Variants in ART3 observed in about 807,000 individuals in gnomAD.
ART3 encodes ecto-ADP-ribosyltransferase 3.
Under a neutral mutation model 48.5 loss-of-function variants are expected in ART3, and 49 were observed. The ratio of observed to expected loss-of-function variants is 1.01; its 90% CI spans 0.80 to 1.28. The LOEUF is 1.28. Ranked by LOEUF, ART3 falls within the 50% of genes most tolerant of loss-of-function variation. ART3 has a pLI of 0.00. For missense variants in ART3, 438 were observed against 454.3 expected, an observed-to-expected ratio of 0.96 and a Z score of 0.33; for synonymous variants, 145 against 157.2, an observed-to-expected ratio of 0.92 and a Z score of 0.58.
In ART3 at chr4:76,082,443, T is replaced by A; in HGVS notation, c.689T>A (p.Val230Asp). 1.2e-6 allele frequency: 2 copies of A among 1,613,316 alleles called. No individual in the cohort carries two copies. Among genetic ancestry groups the A allele is most frequent in the Middle Eastern group, 1.6e-4 (1 of 6,062 alleles). Reference sequence around the variant, plus strand: ...ATTACTTTAATACCTCTGAATGAGGTTTTTCAAGTGTCACAGGAGGGGGCT... The same window carrying A: ...ATTACTTTAATACCTCTGAATGAGGATTTTCAAGTGTCACAGGAGGGGGCT... ...ERITLIPLNE[V>D]FQVSQEGAGN... Residue 230 changes from valine to aspartate, a missense_variant, in exon 3 of 12, where the codon GTT (valine) becomes GAT (aspartate). Val to Asp is a radical substitution (Grantham distance 152). Coordinates refer to ENST00000355810, the MANE Select transcript of ART3 (RefSeq NM_001130016.3).
upstream of ART3, among the ~76,000 whole-genome samples, chr4:76,074,283 A>G (rs1212555500): frequency 1.3e-5 from 2 of 152,060 alleles, no homozygotes; most frequent in Non-Finnish European, 2.9e-5. Flanking sequence ...ACTTTGTTTT[A>G]CTTGCTTATG....
At chr4:76,059,349 G>A (rs1011824097) in intron 1 of ART3, among the ~76,000 whole-genome samples, 2 of 136,412 alleles carry the variant, frequency 1.5e-5, no homozygotes, top group South Asian at 2.3e-4. Flanking sequence ...CTGTCTTCTC[G>A]TTATTTTCTC....
At chr4:76,038,267 A>T (rs140646101) in intron 1 of ART3, among the ~76,000 whole-genome samples, 1 of 152,226 alleles carries the variant, frequency 6.6e-6, no homozygotes, top group African/African-American at 2.4e-5. Context: ...TAATTATTCT[A>T]TATATTAATG....
At chr4:76,103,822 C>A in intron 8 of ART3, 115 bp from the exon 9 acceptor site, 1 of 929,228 alleles carries the variant, frequency 1.1e-6, no homozygotes. Flanking sequence ...TTTTTCTTTC[C>A]CCCTGCCTTT....
At chr4:76,016,848 C>T (rs1014725373) in intron 1 of ART3, among the ~76,000 whole-genome samples, 3 of 152,194 alleles carry the variant, frequency 2.0e-5, no homozygotes, top group Non-Finnish European at 4.4e-5. Flanking sequence ...TTTACTCATG[C>T]CCATCACCAC....
intron 1 of ART3, chr4:76,058,190 G>A (rs1718867783): frequency 6.6e-6 from 1 of 152,102 alleles, no homozygotes; most frequent in Admixed American, 6.5e-5. Context: ...TGAGTACTTT[G>A]GTTAGTATGA....
intron 1 of ART3, among the ~76,000 whole-genome samples, chr4:76,065,789 C>T (rs1719678046): frequency 6.6e-6 from 1 of 151,398 alleles, no homozygotes; most frequent in South Asian, 2.1e-4. Flanking sequence ...TATAATAAAG[C>T]AATCTAATCA....
intron 3 of ART3, among the ~76,000 whole-genome samples, chr4:76,084,162 A>G (rs931525509): frequency 9.9e-5 from 15 of 152,134 alleles, no homozygotes; most frequent in Admixed American, 5.2e-4. Context: ...ATACTGCTCT[A>G]TGATAAGCTC....
At chr4:76,067,097 C>G (rs1719816932) in intron 1 of ART3, among the ~76,000 whole-genome samples, 1 of 152,240 alleles carries the variant, frequency 6.6e-6, no homozygotes, top group Non-Finnish European at 1.5e-5. Context: ...ACTGGAGTGG[C>G]TGCCACCATC....
intron 1 of ART3, among the ~76,000 whole-genome samples, chr4:76,030,194 T>G (rs1733749524): frequency 6.6e-6 from 1 of 152,138 alleles, no homozygotes; most frequent in Non-Finnish European, 1.5e-5. Flanking sequence ...GTAGCTGGGA[T>G]TACAGGCATG....
rs201724907 is a variant in ART3 at position 76,030,908 on chromosome 4, TG to T, written c.-10+19589del. Among the ~76,000 whole-genome samples, 1,162 of 152,330 alleles carry T rather than the reference TG, an allele frequency of 7.6e-3. 9 individuals are homozygous for T. The highest frequency in any genetic ancestry group is 0.012 in the Non-Finnish European group (836 of 68,026). On this transcript the variant is annotated intron_variant, in intron 1 of 9. Coordinates refer to the ART3 transcript ENST00000341029. ...ATTTGGGTTGTTTCTGCTTTCTGGCTGTTGTGTATAATGCTGCTATGAACAT... is the reference window on the plus strand; with the variant it reads ...ATTTGGGTTGTTTCTGCTTTCTGGCTTTGTGTATAATGCTGCTATGAACAT...
intron 1 of ART3, among the ~76,000 whole-genome samples, chr4:76,062,242 G>A (rs1276619120): frequency 6.6e-6 from 1 of 152,204 alleles, no homozygotes; most frequent in African/African-American, 2.4e-5. Flanking sequence ...TCCAGAGAGA[G>A]TAAGCTTACA....
chr4:76,029,604 T>C (rs6844097), intron 1 of ART3, among the ~76,000 whole-genome samples: 92,918 of 151,950 alleles, frequency 0.61, 29,487 homozygotes, highest in East Asian at 0.94. Flanking sequence ...GTACTACTTA[T>C]AATCCACAGA....
At chr4:76,106,372 G>A (rs1354391871) in intron 10 of ART3, 6 of 984,824 alleles carry the variant, frequency 6.1e-6, no homozygotes, top group Non-Finnish European at 7.2e-6. Context: ...TAAGAAACAC[G>A]AAAAGGTGGC....
chr4:76,112,366 CTGTGT>C lies in ART3; in HGVS notation c.1037-19_1037-15del. ...GACATAAAAAATGATGTGTCAGTGACTGTGTATTCTTGTTAACAGCTCCAGGTCCA... is the reference window on the plus strand; with the variant it reads ...GACATAAAAAATGATGTGTCAGTGACATTCTTGTTAACAGCTCCAGGTCCA... On this transcript the variant is annotated splice_polypyrimidine_tract_variant and intron_variant, in intron 11 of 11. Transcript: ENST00000355810. 1 of 1,607,342 alleles carries C rather than the reference CTGTGT, an allele frequency of 6.2e-7. No individual in the cohort carries two copies. The highest frequency in any genetic ancestry group is 8.5e-7 in the Non-Finnish European group (1 of 1,176,996).
chr4:76,020,380 G>C (rs1732684882), intron 1 of ART3, among the ~76,000 whole-genome samples: 1 of 152,182 alleles, frequency 6.6e-6, no homozygotes, highest in South Asian at 2.1e-4. Flanking sequence ...TTACAGGCAT[G>C]AGCCACCACA....
intron 3 of ART3, among the ~76,000 whole-genome samples, chr4:76,091,371 TAA>T (rs1297311705): frequency 2.0e-5 from 3 of 152,222 alleles, no homozygotes; most frequent in Non-Finnish European, 2.9e-5. Flanking sequence ...CAGGAGTGTA[TAA>T]GAGTTCTAGC....
In ART3 at chr4:76,085,750, A is replaced by T. The variant is rs987904168; in HGVS notation, c.781+3215A>T. On this transcript the variant is annotated intron_variant, in intron 3 of 11. Coordinates refer to ENST00000355810, the MANE Select transcript of ART3 (RefSeq NM_001130016.3). ...GCAGCCATTATGGAAAACAGTATGGAGGTTTCTATCTTTAAATAGAAATTA... is the reference window on the plus strand; with the variant it reads ...GCAGCCATTATGGAAAACAGTATGGTGGTTTCTATCTTTAAATAGAAATTA... Among the ~76,000 whole-genome samples the T allele has an allele frequency of 7.2e-5, 11 of 152,326 alleles. 1 individual carries two copies. Among genetic ancestry groups the T allele is most frequent in the Admixed American group, 4.6e-4 (7 of 15,300 alleles).
At chr4:76,106,269 C>G (rs945921401) in intron 10 of ART3, 5 of 985,218 alleles carry the variant, frequency 5.1e-6, no homozygotes, top group Middle Eastern at 5.2e-4. Context: ...TATTTGGCTT[C>G]AAAGCTGTTA....
Sources: allele counts gnomAD v4.1 joint callset (sites outside exome capture counted in the v4.1 genomes callset), GRCh38; gene constraint gnomAD v4.1.1; transcripts MANE v1.5; gene names NCBI Gene and HGNC (gene_info 2026-07-23, HGNC 2026-07-21).